The following TNIK variants were observed in gnomAD, a reference collection of about 807,000 sequenced individuals.
The protein encoded by TNIK is TRAF2 and NCK interacting kinase.
Under a neutral mutation model 191.3 loss-of-function variants are expected in TNIK, and 49 were observed. The ratio of observed to expected loss-of-function variants is 0.26; its 90% CI spans 0.20 to 0.32. The LOEUF (loss-of-function observed/expected upper bound fraction) is 0.32, where lower values mean the gene tolerates loss of function less well. Among genes scored for constraint, TNIK ranks in the 10% least tolerant of loss-of-function variants. TNIK has a pLI of 1.00. For synonymous variants in TNIK, 594 were observed against 600.9 expected, an observed-to-expected ratio of 0.99 and a Z score of 0.17; for missense variants, 1,155 against 1,702.3, an observed-to-expected ratio of 0.68 and a Z score of 5.66.
intron 2 of TNIK, among the ~76,000 whole-genome samples, chr3:171,284,970 T>G (rs755390776): frequency 1.3e-5 from 2 of 152,186 alleles, no homozygotes; most frequent in Non-Finnish European, 2.9e-5. Context: ...TGCCACATGC[T>G]TACAGTAAGA....
At chr3:171,259,312 T>G (rs1314316376) in intron 2 of TNIK, among the ~76,000 whole-genome samples, 3 of 152,174 alleles carry the variant, frequency 2.0e-5, no homozygotes, top group Non-Finnish European at 4.4e-5. Context: ...AGAGTCGCCA[T>G]TAGGAACGCA....
intron 1 of TNIK, among the ~76,000 whole-genome samples, chr3:171,413,290 T>C (rs1722638571): frequency 6.6e-6 from 1 of 152,170 alleles, no homozygotes; most frequent in Admixed American, 6.5e-5. Flanking sequence ...CATCTGAGGA[T>C]TTTTTATGCT....
chr3:171,430,247 T>A (rs1725198057), intron 1 of TNIK, among the ~76,000 whole-genome samples: 1 of 152,116 alleles, frequency 6.6e-6, no homozygotes, highest in Admixed American at 6.5e-5. Context: ...GCAATATACA[T>A]CAAGTGAATT....
At chr3:171,445,053 C>T (rs1727314287) in intron 1 of TNIK, among the ~76,000 whole-genome samples, 1 of 151,996 alleles carries the variant, frequency 6.6e-6, no homozygotes, top group Non-Finnish European at 1.5e-5. Context: ...CAGTGGTTCT[C>T]AGACTCCCAC....
At chr3:171,121,836 G>A (rs1476741790) in intron 18 of TNIK, among the ~76,000 whole-genome samples, 1 of 152,100 alleles carries the variant, frequency 6.6e-6, no homozygotes, top group African/African-American at 2.4e-5. Context: ...AGCATAAAAA[G>A]GGGTGTTCTG....
chr3:171,343,061 T>A (rs1711552865), intron 2 of TNIK, among the ~76,000 whole-genome samples: 1 of 152,208 alleles, frequency 6.6e-6, no homozygotes, highest in Non-Finnish European at 1.5e-5. Context: ...TAAACCTCTT[T>A]TTCTTTATAA....
chr3:171,173,105 C>T (rs1239337524), intron 9 of TNIK, among the ~76,000 whole-genome samples: 1 of 151,804 alleles, frequency 6.6e-6, no homozygotes, highest in Non-Finnish European at 1.5e-5. Context: ...GGAGATGTGG[C>T]CAGGCGCGGT....
chr3:171,352,800 G>A (rs777335035), intron 2 of TNIK, among the ~76,000 whole-genome samples: 8 of 152,078 alleles, frequency 5.3e-5, no homozygotes, highest in Admixed American at 3.3e-4. Context: ...CTTGGTAAAC[G>A]CCTCCTTCTA....
chr3:171,377,714 G>A (rs1463439790), intron 1 of TNIK, among the ~76,000 whole-genome samples: 1 of 152,172 alleles, frequency 6.6e-6, no homozygotes, highest in Non-Finnish European at 1.5e-5. Context: ...AGACTGTAAA[G>A]TAAAGGTAAA....
chr3:171,067,672 C>CA (rs750331814), intron 30 of TNIK, among the ~76,000 whole-genome samples: 1,203 of 78,492 alleles, frequency 0.015, 7 homozygotes, highest in Middle Eastern at 0.037. Context: ...ACTCCGTATC[C>CA]AAAAAAAAAA....
intron 15 of TNIK, among the ~76,000 whole-genome samples, chr3:171,133,154 C>A (rs902138970): frequency 3.3e-5 from 5 of 152,202 alleles, no homozygotes; most frequent in Non-Finnish European, 5.9e-5. Flanking sequence ...GCTTAAGATG[C>A]AATCTTGTCT....
At chr3:171,372,794 A>G (rs1716698970) in intron 1 of TNIK, among the ~76,000 whole-genome samples, 1 of 152,212 alleles carries the variant, frequency 6.6e-6, no homozygotes, top group East Asian at 1.9e-4. Context: ...TCTGTGTGAC[A>G]TACCACAACA....
intron 18 of TNIK, among the ~76,000 whole-genome samples, chr3:171,116,144 T>C (rs1726658318): frequency 6.6e-6 from 1 of 152,240 alleles, no homozygotes; most frequent in Non-Finnish European, 1.5e-5. Context: ...CCTTTTCTTT[T>C]GGTAAAACAT....
chr3:171,181,093 CG>C (rs1300496289), intron 7 of TNIK, among the ~76,000 whole-genome samples: 1 of 152,196 alleles, frequency 6.6e-6, no homozygotes, highest in Non-Finnish European at 1.5e-5. Flanking sequence ...CCTCCCACCT[CG>C]GGTTCTCAAA....
intron 1 of TNIK, among the ~76,000 whole-genome samples, chr3:171,410,672 G>A (rs902922379): frequency 2.6e-5 from 4 of 151,066 alleles, no homozygotes; most frequent in African/African-American, 9.8e-5. Flanking sequence ...CCAGCTACTC[G>A]GGAGGCTGAG....
chr3:171,111,769 G>A (rs1725889715), intron 18 of TNIK, among the ~76,000 whole-genome samples: 1 of 152,178 alleles, frequency 6.6e-6, no homozygotes, highest in Non-Finnish European at 1.5e-5. Context: ...CTAAGTGTGT[G>A]TCCACTGAAG....
chr3:171,183,527 TA>T (rs1220490347), intron 7 of TNIK, among the ~76,000 whole-genome samples: 1 of 152,196 alleles, frequency 6.6e-6, no homozygotes, highest in Non-Finnish European at 1.5e-5. Flanking sequence ...AATTGAGTGG[TA>T]AAAGTTATAG....
At chr3:171,168,152 G>A (rs567338869) in intron 9 of TNIK, among the ~76,000 whole-genome samples, 4 of 152,300 alleles carry the variant, frequency 2.6e-5, no homozygotes, top group Admixed American at 6.5e-5. Context: ...GACTTCAGCC[G>A]TGATTCATGA....
intron 3 of TNIK, among the ~76,000 whole-genome samples, chr3:171,226,110 G>A (rs1484390429): frequency 1.3e-5 from 2 of 152,056 alleles, no homozygotes; most frequent in Non-Finnish European, 2.9e-5. Flanking sequence ...CCTGCTAATC[G>A]ACCATTCCAG....
Sources: allele counts gnomAD v4.1 joint callset (sites outside exome capture counted in the v4.1 genomes callset), GRCh38; gene constraint gnomAD v4.1.1; transcripts MANE v1.5; gene names NCBI Gene and HGNC (gene_info 2026-07-23, HGNC 2026-07-21).